Variants in NTM observed in about 807,000 individuals in gnomAD.
NTM encodes IgLON family member 2.
Under a neutral mutation model 42.1 loss-of-function variants are expected in NTM, and 13 were observed. The ratio of observed to expected loss-of-function variants is 0.31; its 90% confidence interval spans 0.20 to 0.49. NTM has a LOEUF of 0.49. NTM is among the 20% of genes least tolerant of loss of function. The pLI, the probability that NTM is intolerant of heterozygous loss-of-function variation, is 0.99. For missense variants in NTM, 373 were observed against 452.8 expected (o/e 0.82, Z 1.60); for synonymous variants, 187 against 179.2 (o/e 1.04, Z -0.35).
At chr11:131,808,052 A>T (rs1310368045) in intron 1 of NTM, among the ~76,000 whole-genome samples, 1 of 152,210 alleles carries the variant, frequency 6.6e-6, no homozygotes, top group African/African-American at 2.4e-5. Context: ...AGCGGTAATG[A>T]TTCACAAGCC....
intron 3 of NTM, among the ~76,000 whole-genome samples, chr11:132,169,029 C>G (rs1199056035): frequency 6.6e-6 from 1 of 152,204 alleles, no homozygotes; most frequent in Non-Finnish European, 1.5e-5. Context: ...TAGATATTAT[C>G]AAACTCATTA....
At chr11:132,081,275 A>G (rs2059000435) in intron 2 of NTM, among the ~76,000 whole-genome samples, 1 of 152,254 alleles carries the variant, frequency 6.6e-6, no homozygotes, top group Admixed American at 6.5e-5. Context: ...ACCTATGTAT[A>G]CATATTACAC....
intron 1 of NTM, among the ~76,000 whole-genome samples, chr11:131,675,676 A>G (rs956749545): frequency 6.6e-6 from 1 of 152,104 alleles, no homozygotes; most frequent in Admixed American, 6.5e-5. Context: ...AAGCTTGTAC[A>G]TTTCTCATCA....
intron 2 of NTM, among the ~76,000 whole-genome samples, chr11:132,133,776 C>G (rs1379734729): frequency 6.6e-6 from 1 of 152,156 alleles, no homozygotes. Flanking sequence ...ACTTCCCTGC[C>G]CCCATTATCT....
At chr11:131,452,187 G>C (rs575318072) in intron 1 of NTM, among the ~76,000 whole-genome samples, 1 of 152,198 alleles carries the variant, frequency 6.6e-6, no homozygotes, top group African/African-American at 2.4e-5. Flanking sequence ...TGAGTTTAAC[G>C]GGCTGAGAAA....
At chr11:131,938,773 A>G (rs562851544) in intron 2 of NTM, among the ~76,000 whole-genome samples, 12 of 152,258 alleles carry the variant, frequency 7.9e-5, no homozygotes, top group African/African-American at 2.6e-4. Flanking sequence ...CAGCGTGTAC[A>G]TATATTTTAA....
intron 1 of NTM, among the ~76,000 whole-genome samples, chr11:131,587,008 G>A (rs973689341): frequency 2.0e-5 from 3 of 152,080 alleles, no homozygotes; most frequent in African/African-American, 7.2e-5. Context: ...TACGGAGCAA[G>A]CAGAAGTACT....
intron 1 of NTM, among the ~76,000 whole-genome samples, chr11:131,434,024 A>T (rs1380443485): frequency 6.6e-6 from 1 of 152,044 alleles, no homozygotes; most frequent in South Asian, 2.1e-4. Flanking sequence ...TTCAGTTCCC[A>T]CCTATGAGTG....
chr11:131,439,341 G>T (rs997228340), intron 1 of NTM, among the ~76,000 whole-genome samples: 1 of 152,230 alleles, frequency 6.6e-6, no homozygotes, highest in Non-Finnish European at 1.5e-5. Context: ...TCTCTTCAGA[G>T]CTGTCAGTCA....
chr11:131,415,402 A>G (rs1401394966), intron 1 of NTM, among the ~76,000 whole-genome samples: 1 of 152,162 alleles, frequency 6.6e-6, no homozygotes, highest in African/African-American at 2.4e-5. Flanking sequence ...CTAAGCTGAC[A>G]AACTCTTCTC....
intron 1 of NTM, among the ~76,000 whole-genome samples, chr11:131,658,587 T>C (rs1334936410): frequency 6.6e-6 from 1 of 152,106 alleles, no homozygotes; most frequent in East Asian, 1.9e-4. Context: ...GACCTCTCTT[T>C]CCTCCCCCGA....
intron 1 of NTM, among the ~76,000 whole-genome samples, chr11:131,709,306 C>T (rs1405300544): frequency 6.6e-6 from 1 of 152,158 alleles, no homozygotes; most frequent in African/African-American, 2.4e-5. Flanking sequence ...CACGAAATAA[C>T]TCATGTTTTA....
intron 2 of NTM, among the ~76,000 whole-genome samples, chr11:131,921,581 G>A (rs2057232757): frequency 6.6e-6 from 1 of 152,012 alleles, no homozygotes. Context: ...GTAGGATACT[G>A]GAACATTTGC....
chr11:131,401,010 C>G (rs905460661), intron 1 of NTM, among the ~76,000 whole-genome samples: 215 of 118,292 alleles, frequency 1.8e-3, no homozygotes, highest in African/African-American at 6.5e-3. Flanking sequence ...CACACACACA[C>G]AGAAATAGAA....
intron 1 of NTM, among the ~76,000 whole-genome samples, chr11:131,903,755 G>C (rs552228458): frequency 8.5e-5 from 13 of 152,338 alleles, no homozygotes; most frequent in Admixed American, 2.6e-4. Context: ...AAGAGGAAGA[G>C]AGCAGAGCTA....
intron 2 of NTM, among the ~76,000 whole-genome samples, chr11:132,112,959 A>G (rs543848186): frequency 1.3e-5 from 2 of 152,304 alleles, no homozygotes; most frequent in East Asian, 1.9e-4. Flanking sequence ...CGTGGAAGAT[A>G]TCTGAATTCC....
At chr11:131,570,551 G>A (rs919247260) in intron 1 of NTM, among the ~76,000 whole-genome samples, 29 of 152,290 alleles carry the variant, frequency 1.9e-4, no homozygotes, top group African/African-American at 5.5e-4. Flanking sequence ...AAGGCCAGGC[G>A]CGGTGGCTCA....
intron 2 of NTM, among the ~76,000 whole-genome samples, chr11:132,024,938 A>G (rs1334786564): frequency 6.6e-6 from 1 of 152,160 alleles, no homozygotes; most frequent in Non-Finnish European, 1.5e-5. Flanking sequence ...ACACCCTGAG[A>G]TCCTAGTGGC....
chr11:131,855,813 C>A (rs926193675), intron 1 of NTM, among the ~76,000 whole-genome samples: 1 of 152,142 alleles, frequency 6.6e-6, no homozygotes, highest in East Asian at 1.9e-4. Context: ...ATCAGAGACC[C>A]CCACCTCCCT....
Sources: gnomAD v4.1 joint callset for allele counts (sites outside exome capture counted in the v4.1 genomes callset) on GRCh38, gnomAD v4.1.1 for gene constraint, MANE v1.5 for transcripts, NCBI Gene and HGNC (gene_info 2026-07-23, HGNC 2026-07-21) for gene names.